PIBF1: variants seen among roughly 807,000 people sequenced by gnomAD.
PIBF1 encodes the protein progesterone-induced-blocking factor 1.
In PIBF1, 90 loss-of-function variants were observed where a neutral mutation model predicts 112.5. That is an observed-to-expected ratio of 0.80 (90% CI 0.67 to 0.95). The LOEUF is 0.95. Among genes scored for constraint, PIBF1 ranks in the 40% least tolerant of loss-of-function variants. The pLI, the probability that PIBF1 is intolerant of heterozygous loss-of-function variation, is 0.00. For synonymous variants in PIBF1, 301 were observed against 288.6 expected (o/e 1.04, Z -0.44); for missense variants, 915 against 852.3 (o/e 1.07, Z -0.92).
chr13:72,984,583 A>G (rs773544888), intron 16 of PIBF1, among the ~76,000 whole-genome samples: 9 of 152,186 alleles, frequency 5.9e-5, no homozygotes, highest in Admixed American at 1.3e-4. Flanking sequence ...GCAACAACTG[A>G]ATCACAGTTG....
At chr13:72,810,857 ATT>A (rs34414482) in intron 5 of PIBF1, among the ~76,000 whole-genome samples, 11 of 141,738 alleles carry the variant, frequency 7.8e-5, no homozygotes, top group Admixed American at 7.1e-5. Context: ...AAGAACCTCA[ATT>A]TTTTTTTTTT....
At chr13:72,886,328 T>G (rs2039851622) in intron 10 of PIBF1, among the ~76,000 whole-genome samples, 1 of 151,920 alleles carries the variant, frequency 6.6e-6, no homozygotes. Context: ...ATATAATAAA[T>G]ACTCTTGGTT....
At chr13:72,843,060 G>A (rs1430428539) in intron 9 of PIBF1, among the ~76,000 whole-genome samples, 2 of 152,274 alleles carry the variant, frequency 1.3e-5, no homozygotes, top group African/African-American at 4.8e-5. Flanking sequence ...GTTAGGAGAG[G>A]CTGGTAAAGT....
chr13:72,977,597 A>C (rs775406389), intron 16 of PIBF1, among the ~76,000 whole-genome samples: 8 of 151,944 alleles, frequency 5.3e-5, no homozygotes, highest in Non-Finnish European at 1.0e-4. Flanking sequence ...GTTCATTTAC[A>C]TAATTCCAAA....
chr13:72,986,938 G>A (rs973375586), intron 16 of PIBF1, among the ~76,000 whole-genome samples: 4 of 151,992 alleles, frequency 2.6e-5, no homozygotes, highest in East Asian at 1.9e-4. Flanking sequence ...TGATCCACCT[G>A]CCTCGGCCTC....
chr13:72,829,975 T>G (rs936945090), intron 8 of PIBF1, among the ~76,000 whole-genome samples: 1 of 152,216 alleles, frequency 6.6e-6, no homozygotes, highest in African/African-American at 2.4e-5. Flanking sequence ...TTTGTAGTTC[T>G]CCTTGAAGAG....
chr13:73,001,696 T>A (rs139572066), intron 17 of PIBF1, among the ~76,000 whole-genome samples: 57 of 149,316 alleles, frequency 3.8e-4, no homozygotes, highest in Non-Finnish European at 7.1e-4. Flanking sequence ...TGATCTCAGC[T>A]TACTGCAACC....
At chr13:72,948,874 G>A (rs1232652605) in intron 14 of PIBF1, among the ~76,000 whole-genome samples, 1 of 152,170 alleles carries the variant, frequency 6.6e-6, no homozygotes, top group Non-Finnish European at 1.5e-5. Context: ...AACAGCATGA[G>A]CGTAACCACG....
chr13:72,987,865 T>TTTTTTTTTA lies in PIBF1; in HGVS notation c.2050-10949_2050-10948insATTTTTTTT, dbSNP rs1555329550. Among the ~76,000 whole-genome samples the TTTTTTTTTA allele has an allele frequency of 2.4e-3, 240 of 99,770 alleles. 7 individuals carry two copies. The highest frequency in any genetic ancestry group is 8.7e-3 in the African/African-American group (231 of 26,620). 65.5% of individuals were successfully genotyped at this position (99,770 alleles called of 152,430 possible). ...TTATTTATTTATTTATTTATTTTTT[T>TTTTTTTTTA]TTTTTTTTTTTTTTTTGAGGCAGAG... On this transcript the variant is annotated intron_variant, in intron 16 of 17. Coordinates refer to ENST00000326291, the MANE Select transcript of PIBF1 (RefSeq NM_006346.4).
chr13:72,822,820 A>G (rs1397213207), intron 6 of PIBF1, among the ~76,000 whole-genome samples: 3 of 152,234 alleles, frequency 2.0e-5, no homozygotes, highest in African/African-American at 7.2e-5. Flanking sequence ...TGACTGACAC[A>G]TGGTATTTCT....
chr13:72,993,281 TG>T (rs1401549096), intron 16 of PIBF1, among the ~76,000 whole-genome samples: 1 of 151,004 alleles, frequency 6.6e-6, no homozygotes, highest in Non-Finnish European at 1.5e-5. Context: ...GCCAAGATTG[TG>T]CCACTGCACT....
chr13:72,968,658 A>G (rs2042813406), intron 15 of PIBF1, among the ~76,000 whole-genome samples: 1 of 152,054 alleles, frequency 6.6e-6, no homozygotes. Flanking sequence ...TTCTATTAAA[A>G]TTAAATTGTT....
intron 14 of PIBF1, among the ~76,000 whole-genome samples, chr13:72,940,343 TAGA>T (rs2041978873): frequency 6.6e-6 from 1 of 152,176 alleles, no homozygotes; most frequent in Non-Finnish European, 1.5e-5. Flanking sequence ...TTTTCATTTC[TAGA>T]AGTTCAAATT....
At chr13:72,994,607 A>G (rs1282151985) in intron 16 of PIBF1, among the ~76,000 whole-genome samples, 1 of 152,202 alleles carries the variant, frequency 6.6e-6, no homozygotes, top group Non-Finnish European at 1.5e-5. Flanking sequence ...CAGAAAAATG[A>G]TAGTTATAGA....
chr13:72,817,648 A>C (rs2036339343), intron 5 of PIBF1, among the ~76,000 whole-genome samples: 1 of 152,204 alleles, frequency 6.6e-6, no homozygotes, highest in South Asian at 2.1e-4. Flanking sequence ...ACAGATAAGA[A>C]TCAGGTGTTG....
intron 9 of PIBF1, among the ~76,000 whole-genome samples, chr13:72,848,858 T>C (rs2037999145): frequency 6.6e-6 from 1 of 151,978 alleles, no homozygotes; most frequent in Non-Finnish European, 1.5e-5. Flanking sequence ...AACTTAACTC[T>C]TTAAGTTTCT....
intron 17 of PIBF1, among the ~76,000 whole-genome samples, chr13:73,004,505 G>GAAAAGA (rs55680543): frequency 0.63 from 88,419 of 140,832 alleles, 29,041 homozygotes; most frequent in East Asian, 0.83. Context: ...AAAAAAAAAA[G>GAAAAGA]AAAGAAAAGA....
chr13:72,819,821 A>G (rs1301842016), intron 5 of PIBF1, among the ~76,000 whole-genome samples: 9 of 152,138 alleles, frequency 5.9e-5, no homozygotes, highest in Admixed American at 3.9e-4. Context: ...CTTAGTACCA[A>G]TCAGTAGTGT....
rs113877701 is a variant in PIBF1, at chr13:72,783,687, T to C, written c.218T>C (p.Met73Thr). 5.5e-4 allele frequency: 893 copies of C among 1,614,024 alleles called. 6 individuals are homozygous for C. The African/African-American group carries it at 0.01, about 19-fold the overall frequency. ...LKIELSQKTMMIDNLKVDYLT... is the reference protein window; with the variant it reads ...LKIELSQKTMTIDNLKVDYLT... ...ATTGAGCTATCCCAGAAAACTATGA[T>C]GATCGACAATTTGAAAGTGGATTAT... Residue 73 changes from methionine to threonine, a missense_variant, in exon 2 of 18, where the codon ATG becomes ACG. Physicochemically the swap from Met to Thr is moderately conservative, Grantham distance 81. Transcript: ENST00000326291.
Sources: gnomAD v4.1 joint callset for allele counts (sites outside exome capture counted in the v4.1 genomes callset) on GRCh38, gnomAD v4.1.1 for gene constraint, MANE v1.5 for transcripts, NCBI Gene and HGNC (gene_info 2026-07-23, HGNC 2026-07-21) for gene names.